The following RIN2 variants were observed in gnomAD, a reference collection of about 807,000 sequenced individuals.
RIN2 encodes Ras and Rab interactor 2.
Under a neutral mutation model 78.0 loss-of-function variants are expected in RIN2, and 36 were observed. That is an observed-to-expected ratio of 0.46 (90% CI 0.35 to 0.61). The LOEUF (loss-of-function observed/expected upper bound fraction) is 0.61. RIN2 is among the 20% of genes least tolerant of loss of function. RIN2 has a pLI of 0.00. For missense variants in RIN2, 1,087 were observed against 1,159.7 expected, an observed-to-expected ratio of 0.94 and a Z score of 0.91; for synonymous variants, 466 against 466.8, an observed-to-expected ratio of 1.00 and a Z score of 0.02.
At chr20:19,919,777 G>A (rs1347198293) in intron 3 of RIN2, among the ~76,000 whole-genome samples, 3 of 152,156 alleles carry the variant, frequency 2.0e-5, no homozygotes, top group African/African-American at 7.2e-5. Context: ...CTGCACTCCA[G>A]CCTGGACAAC....
intron 4 of RIN2, among the ~76,000 whole-genome samples, chr20:19,942,858 G>C (rs2040936914): frequency 6.6e-6 from 1 of 152,168 alleles, no homozygotes; most frequent in African/African-American, 2.4e-5. Context: ...TTTGACCTTG[G>C]CCACACAATG....
chr20:19,890,679 C>CAAAAAAAAAAAAAAAAAAAAA (rs534202183), intron 3 of RIN2, among the ~76,000 whole-genome samples: 2 of 64,446 alleles, frequency 3.1e-5, no homozygotes, highest in African/African-American at 1.1e-4. Flanking sequence ...GTTGACTCTA[C>CAAAAAAAAAAAAAAAAAAAAA]AAAAAAAAAA....
rs547785982 is a variant in RIN2 at position 19,890,800 on chromosome 20, G to A, written c.57+1142G>A. Among the ~76,000 whole-genome samples the A allele has an allele frequency of 8.6e-5, 13 of 152,008 alleles. No individual in the cohort carries two copies. In the East Asian group the frequency reaches 2.5e-3, roughly 29 times the overall value. ...ACAGTCTTATTCATGTCTAAGCCAG[G>A]GGAGATTAAGAGGCAGATTTATAGG... On this transcript the variant is annotated intron_variant, in intron 3 of 12. Coordinates refer to ENST00000255006, the MANE Select transcript of RIN2 (RefSeq NM_018993.4).
rs749862890 is a variant in RIN2, at chr20:19,970,828, GAAC to G, written c.537-7_537-5del. ...AATTACAAACATTCTCTCTTTTTCT[GAAC>G]AATCAGGGATGTTCTACCATTTACC... On this transcript the variant is annotated splice_polypyrimidine_tract_variant and splice_region_variant and intron_variant, in intron 7 of 12. Transcript: ENST00000255006. 1.3e-6 allele frequency: 2 copies of G among 1,599,946 alleles called. No individual in the cohort carries two copies. The highest frequency in any genetic ancestry group is 1.7e-6 in the Non-Finnish European group (2 of 1,168,262).
intron 2 of RIN2, among the ~76,000 whole-genome samples, chr20:19,884,686 A>G (rs1353140094): frequency 6.6e-6 from 1 of 152,194 alleles, no homozygotes; most frequent in Non-Finnish European, 1.5e-5. Context: ...CTGGAATAAC[A>G]TTTGTCTGTC....
At chr20:19,997,387 C>T (rs1212908772) in intron 12 of RIN2, among the ~76,000 whole-genome samples, 5 of 152,124 alleles carry the variant, frequency 3.3e-5, no homozygotes, top group Non-Finnish European at 7.4e-5. Flanking sequence ...TTTTCCTGAC[C>T]GTGAGCTGCT....
In RIN2 at chr20:19,758,736, TTCTACCTGCAGGGC is replaced by T. The variant is rs376142255; in HGVS notation, c.-163+411_-163+424del. Among the ~76,000 whole-genome samples the T allele has an allele frequency of 2.3e-3, 355 of 152,014 alleles. 3 individuals carry two copies. Among genetic ancestry groups the T allele is most frequent in the African/African-American group, 8.0e-3 (333 of 41,480 alleles). The stretch of plus-strand genomic sequence containing the variant: ...GAGTTTGGTAGGGACCTTTGAGGAG[TTCTACCTGCAGGGC>T]TGCCTGTGGGGTGTCAAGTGCTCCC... On this transcript the variant is annotated intron_variant, in intron 1 of 12. Transcript: ENST00000255006.
At chr20:19,841,265 G>A (rs1357182941) in intron 2 of RIN2, among the ~76,000 whole-genome samples, 2 of 151,854 alleles carry the variant, frequency 1.3e-5, no homozygotes, top group East Asian at 3.9e-4. Context: ...CTACAGGCGT[G>A]AGCCACCACA....
At chr20:19,910,715 C>T (rs2039427023) in intron 3 of RIN2, among the ~76,000 whole-genome samples, 1 of 150,524 alleles carries the variant, frequency 6.6e-6, no homozygotes, top group Non-Finnish European at 1.5e-5. Context: ...ATTACAGGCG[C>T]CCACTACCAC....
chr20:19,876,082 A>C (rs1314578246), intron 2 of RIN2, among the ~76,000 whole-genome samples: 1 of 152,214 alleles, frequency 6.6e-6, no homozygotes, highest in East Asian at 1.9e-4. Context: ...CTGCACTGGA[A>C]GCTAAATTTC....
At chr20:19,878,464 T>C (rs975437533) in intron 2 of RIN2, among the ~76,000 whole-genome samples, 1 of 152,156 alleles carries the variant, frequency 6.6e-6, no homozygotes, top group Non-Finnish European at 1.5e-5. Context: ...CATGTCCCCA[T>C]GTTCAGGGAC....
chr20:20,000,918 A>C lies in RIN2; in HGVS notation c.2670A>C (p.Glu890Asp). Reference sequence around the variant, plus strand: ...GCATCATTTTCCAGAACGGGGAAGAAGACCTCACCACCTCCTAGAAGACAG... The same window carrying C: ...GCATCATTTTCCAGAACGGGGAAGACGACCTCACCACCTCCTAGAAGACAG... ...PYGIIFQNGE[E>D]DLTTS The change falls in exon 13 of 13, where the codon GAA becomes GAC. Residue 890 changes from glutamate to aspartate, a missense_variant. By Grantham distance (45) the Glu-to-Asp change is conservative. This residue lies in a region of RIN2 where 160 missense variants were observed against 179.4 expected (regional missense o/e 0.89). Transcript: ENST00000255006. The C allele has an allele frequency of 5.0e-6, 8 of 1,611,476 alleles. No individual in the cohort carries two copies. Among genetic ancestry groups the C allele is most frequent in the Non-Finnish European group, 6.8e-6 (8 of 1,178,686 alleles).
chr20:19,759,211 G>A (rs905997151), intron 1 of RIN2, among the ~76,000 whole-genome samples: 5 of 152,202 alleles, frequency 3.3e-5, no homozygotes, highest in East Asian at 1.9e-4. Flanking sequence ...GGTCCCCTGG[G>A]CCCTGAGAGG....
chr20:19,981,919 G>A lies in RIN2; in HGVS notation c.1762+6132G>A, dbSNP rs79985196. Among the ~76,000 whole-genome samples, 4 of 152,310 alleles carry A rather than the reference G, an allele frequency of 2.6e-5. No individual in the cohort carries two copies. The East Asian group carries it at 7.7e-4, about 29-fold the overall frequency. The stretch of plus-strand genomic sequence containing the variant: ...CCCATGCCTGGGCGGTGATTTCATC[G>A]CTAGAGTTACACACCTGTATTCTGC... On this transcript the variant is annotated intron_variant, in intron 9 of 12. Transcript: ENST00000255006.
At chr20:19,981,150 C>A (rs951792231) in intron 9 of RIN2, among the ~76,000 whole-genome samples, 1 of 152,148 alleles carries the variant, frequency 6.6e-6, no homozygotes, top group South Asian at 2.1e-4. Flanking sequence ...AAACCAAAGG[C>A]GTAGCAAGGT....
In RIN2 at chr20:19,995,261, T is replaced by TTAA. The variant is rs1555811955; in HGVS notation, c.2201-1418_2201-1417insTAA. ...AAATTGCCAGTGTCTGTTTTTTTTT[T>TTAA]AAAAAAAAAAAAAAAAACAAAACAC... is the stretch of plus-strand genomic sequence containing the variant. On this transcript the variant is annotated intron_variant, in intron 11 of 12. Transcript: ENST00000255006. Among the ~76,000 whole-genome samples the TTAA allele has an allele frequency of 2.4e-4, 29 of 122,698 alleles. 1 individual carries two copies. The highest frequency in any genetic ancestry group is 5.4e-4 in the African/African-American group (17 of 31,466). The allele number at this position is 122,698 out of a possible 152,430, so 80.5% of individuals were successfully genotyped here.
chr20:19,885,339 C>T (rs1038639069), intron 2 of RIN2, among the ~76,000 whole-genome samples: 6 of 152,170 alleles, frequency 3.9e-5, no homozygotes, highest in Non-Finnish European at 7.3e-5. Context: ...TTGTGCAACA[C>T]GGTGACTGTA....
chr20:19,762,764 A>T (rs573451402), intron 1 of RIN2, among the ~76,000 whole-genome samples: 2 of 152,012 alleles, frequency 1.3e-5, no homozygotes, highest in African/African-American at 4.8e-5. Context: ...TATTTTATTT[A>T]TTTATTTATT....
intron 3 of RIN2, among the ~76,000 whole-genome samples, chr20:19,919,341 G>T (rs545682147): frequency 1.3e-5 from 2 of 152,220 alleles, no homozygotes; most frequent in Admixed American, 6.5e-5. Flanking sequence ...ACACCTGCAG[G>T]CCCCTTCAAC....
Sources: gnomAD v4.1 joint callset for allele counts (sites outside exome capture counted in the v4.1 genomes callset) on GRCh38, gnomAD v4.1.1 for gene constraint, gnomAD v4.1.1 regional missense constraint, MANE v1.5 for transcripts, NCBI Gene and HGNC (gene_info 2026-07-23, HGNC 2026-07-21) for gene names.